RAPGEF4: variants seen among roughly 807,000 people sequenced by gnomAD.
RAPGEF4 encodes RAP guanine-nucleotide-exchange factor (GEF) 4.
A neutral mutation model predicts 147.9 loss-of-function variants in RAPGEF4; 66 were observed. The observed-to-expected ratio is 0.45, with a 90% confidence interval of 0.37 to 0.55. The LOEUF (loss-of-function observed/expected upper bound fraction) is 0.55. RAPGEF4 is among the 20% of genes least tolerant of loss of function. The pLI is 0.00. For synonymous variants in RAPGEF4, 419 were observed against 442.7 expected (o/e 0.95, Z 0.67); for missense variants, 1,071 against 1,257.3 (o/e 0.85, Z 2.24).
At chr2:173,024,071 A>G (rs1408241559) in intron 23 of RAPGEF4, among the ~76,000 whole-genome samples, 1 of 152,002 alleles carries the variant, frequency 6.6e-6, no homozygotes, top group Middle Eastern at 3.2e-3. Flanking sequence ...CCTAAGATTT[A>G]AAACTTTGGA....
intron 16 of RAPGEF4, among the ~76,000 whole-genome samples, chr2:172,998,224 G>C (rs969913990): frequency 6.6e-6 from 1 of 152,206 alleles, no homozygotes; most frequent in African/African-American, 2.4e-5. Context: ...GGAAAATATA[G>C]AGTGGCCCTG....
intron 4 of RAPGEF4, among the ~76,000 whole-genome samples, chr2:172,914,379 G>A (rs1038846515): frequency 7.6e-6 from 1 of 131,560 alleles, no homozygotes; most frequent in Non-Finnish European, 1.5e-5. Flanking sequence ...CAGTTGCCCA[G>A]GTTGGAGTGC....
At chr2:172,799,631 C>T (rs1429751359) in intron 3 of RAPGEF4, among the ~76,000 whole-genome samples, 2 of 152,142 alleles carry the variant, frequency 1.3e-5, no homozygotes, top group Admixed American at 1.3e-4. Flanking sequence ...GATCATTCTG[C>T]TCAGTTCCTC....
intron 15 of RAPGEF4, among the ~76,000 whole-genome samples, chr2:172,994,389 A>G (rs1693117639): frequency 6.6e-6 from 1 of 152,168 alleles, no homozygotes; most frequent in South Asian, 2.1e-4. Context: ...CATGAAACTC[A>G]TGCTTGTTCT....
chr2:172,956,551 C>G (rs895568604), intron 6 of RAPGEF4, among the ~76,000 whole-genome samples: 6 of 149,620 alleles, frequency 4.0e-5, no homozygotes, highest in African/African-American at 1.5e-4. Context: ...CTCACTGCAA[C>G]CTCCGCCTCC....
At chr2:172,893,750 T>G (rs1273527992) in intron 4 of RAPGEF4, 1 of 152,184 alleles carries the variant, frequency 6.6e-6, no homozygotes, top group African/African-American at 2.4e-5. Context: ...AATATAAATC[T>G]AAAGCAACTT....
chr2:172,803,454 A>T (rs1574889914), intron 3 of RAPGEF4, among the ~76,000 whole-genome samples: 1 of 152,150 alleles, frequency 6.6e-6, no homozygotes, highest in South Asian at 2.1e-4. Flanking sequence ...AGTGGCTAGG[A>T]TGCAGGGCAC....
rs140986233 is a variant in RAPGEF4, at chr2:172,877,171, A to C, written c.445-40631A>C. Reference sequence around the variant, plus strand: ...AAATGGGGCATATATACACCATGGAATACTATGCAGGCATAAAAAAGGATG... The same window carrying C: ...AAATGGGGCATATATACACCATGGACTACTATGCAGGCATAAAAAAGGATG... On this transcript the variant is annotated intron_variant, in intron 4 of 30. Transcript: ENST00000397081. Among the ~76,000 whole-genome samples the C allele has an allele frequency of 8.2e-3, 1,242 of 152,348 alleles. 9 individuals carry two copies. The highest frequency in any genetic ancestry group is 0.013 in the Non-Finnish European group (918 of 68,032).
intron 4 of RAPGEF4, among the ~76,000 whole-genome samples, chr2:172,862,735 G>A (rs1047748223): frequency 5.9e-5 from 9 of 152,192 alleles, no homozygotes; most frequent in Non-Finnish European, 1.3e-4. Flanking sequence ...ACACTTGCAA[G>A]TTAGGTGGTT....
intron 4 of RAPGEF4, among the ~76,000 whole-genome samples, chr2:172,869,840 T>C (rs557926994): frequency 6.6e-6 from 1 of 152,132 alleles, no homozygotes; most frequent in East Asian, 1.9e-4. Context: ...GCTCAGACAA[T>C]GTAAAATATA....
intron 3 of RAPGEF4, among the ~76,000 whole-genome samples, chr2:172,803,329 T>G (rs1687159960): frequency 6.6e-6 from 1 of 152,212 alleles, no homozygotes; most frequent in Non-Finnish European, 1.5e-5. Flanking sequence ...ACCTCAATTC[T>G]TGACTTCTGT....
intron 10 of RAPGEF4, among the ~76,000 whole-genome samples, chr2:172,971,292 C>T (rs1288553794): frequency 6.6e-6 from 1 of 152,126 alleles, no homozygotes. Context: ...ACATAGGTTC[C>T]AATGTTCAGG....
chr2:172,983,845 C>T (rs1221684694), intron 11 of RAPGEF4, among the ~76,000 whole-genome samples: 1 of 152,168 alleles, frequency 6.6e-6, no homozygotes, highest in Non-Finnish European at 1.5e-5. Context: ...ACATGGGCTT[C>T]ATCCCTGTGA....
intron 4 of RAPGEF4, among the ~76,000 whole-genome samples, chr2:172,885,330 T>C (rs1697080428): frequency 1.3e-5 from 2 of 152,206 alleles, no homozygotes; most frequent in Admixed American, 6.5e-5. Flanking sequence ...CCCTTATCTA[T>C]GCCTCCTGAG....
chr2:172,755,425 A>G (rs553699463), intron 1 of RAPGEF4, among the ~76,000 whole-genome samples: 89 of 152,212 alleles, frequency 5.8e-4, no homozygotes, highest in African/African-American at 2.0e-3. Flanking sequence ...ACGAAGTTGC[A>G]CTCTTGTTGC....
chr2:173,037,021 C>A (rs1356116958), intron 29 of RAPGEF4, among the ~76,000 whole-genome samples: 5 of 152,198 alleles, frequency 3.3e-5, no homozygotes, highest in Non-Finnish European at 7.3e-5. Context: ...TGGAGCTAGA[C>A]TGCCCCAGGA....
intron 17 of RAPGEF4, among the ~76,000 whole-genome samples, chr2:173,001,785 G>A (rs568800130): frequency 9.9e-5 from 15 of 151,848 alleles, no homozygotes; most frequent in Non-Finnish European, 1.8e-4. Context: ...ACTTTTAAAC[G>A]ACCAGATCTC....
At chr2:172,874,552 T>C (rs1352091099) in intron 4 of RAPGEF4, among the ~76,000 whole-genome samples, 1 of 152,202 alleles carries the variant, frequency 6.6e-6, no homozygotes, top group Non-Finnish European at 1.5e-5. Flanking sequence ...TCCAGCTTCA[T>C]CCATGTCCCT....
chr2:173,037,377 C>T (rs937301123), intron 29 of RAPGEF4, among the ~76,000 whole-genome samples: 3 of 152,076 alleles, frequency 2.0e-5, no homozygotes, highest in Admixed American at 6.5e-5. Context: ...TCAGCCACTG[C>T]GCCTGGCCTA....
Sources: allele counts gnomAD v4.1 joint callset (sites outside exome capture counted in the v4.1 genomes callset), GRCh38; gene constraint gnomAD v4.1.1; transcripts MANE v1.5; gene names NCBI Gene and HGNC (gene_info 2026-07-23, HGNC 2026-07-21).